ACAT1: variants seen among roughly 807,000 people sequenced by gnomAD.
ACAT1 encodes acetyl-CoA acetyltransferase 1.
A neutral mutation model predicts 47.3 loss-of-function variants in ACAT1; 28 were observed. The observed-to-expected ratio is 0.59, with a 90% CI of 0.44 to 0.81. The LOEUF is 0.81. Among genes scored for constraint, ACAT1 ranks in the 30% least tolerant of loss-of-function variants. The probability of loss-of-function intolerance (pLI) is 0.00; values close to 1 mark genes in which losing one functional copy is unlikely to be tolerated. For missense variants in ACAT1, 469 were observed against 524.3 expected, an observed-to-expected ratio of 0.89 and a Z score of 1.03; for synonymous variants, 181 against 173.6, an observed-to-expected ratio of 1.04 and a Z score of -0.34.
chr11:108,138,611 G>T (rs1192638392), intron 5 of ACAT1: 1 of 391,114 alleles, frequency 2.6e-6, no homozygotes, highest in Non-Finnish European at 4.9e-6. Flanking sequence ...TGGCCAGGCG[G>T]ATCCAGAACT....
At chr11:108,134,641 G>GAA (rs71047674) in intron 4 of ACAT1, among the ~76,000 whole-genome samples, 21 of 64,094 alleles carry the variant, frequency 3.3e-4, no homozygotes, top group East Asian at 9.2e-4. Flanking sequence ...CTGTCTGAAA[G>GAA]AAAAAAAAAA....
At chr11:108,129,033 C>G (rs1342873720) in intron 1 of ACAT1, 4 of 152,114 alleles carry the variant, frequency 2.6e-5, no homozygotes, top group African/African-American at 9.7e-5. Context: ...ATTCCTCACC[C>G]CCACCCCCCG....
upstream of ACAT1, among the ~76,000 whole-genome samples, chr11:108,120,362 G>A (rs2077126278): frequency 6.6e-6 from 1 of 152,016 alleles, no homozygotes. Context: ...AAATTAGCAT[G>A]GTGGAGCATG....
intron 10 of ACAT1, 135 bp from the exon 11 acceptor site, chr11:108,146,067 G>T: frequency 3.6e-6 from 3 of 826,524 alleles, no homozygotes; most frequent in Non-Finnish European, 5.9e-6. Flanking sequence ...TCTGAAAATA[G>T]AGATCCTTCC....
Position 108,140,172 on chromosome 11 carries a change from G to A in ACAT1, c.687G>A (p.Gly229=), listed in dbSNP as rs545578010. Residue 229 remains glycine (G), a synonymous_variant, in exon 7 of 12, where the codon GGG becomes GGA. Coordinates refer to ENST00000265838, the MANE Select transcript of ACAT1 (RefSeq NM_000019.4). ...YTRSKAAWEA[G]KFGNEVIPVT... ...GAAGTAAAGCAGCATGGGAAGCTGGGAAATTTGGAAATGAAGTTATTCCTG... is the reference window on the plus strand; with the variant it reads ...GAAGTAAAGCAGCATGGGAAGCTGGAAAATTTGGAAATGAAGTTATTCCTG... 18 of 1,614,026 alleles carry A rather than the reference G, an allele frequency of 1.1e-5. No homozygotes were observed. Among genetic ancestry groups the A allele is most frequent in the Admixed American group, 1.7e-5 (1 of 60,012 alleles).
intron 3 of ACAT1, 53 bp from the exon 4 acceptor site, chr11:108,134,168 T>A: frequency 1.3e-6 from 2 of 1,488,832 alleles, no homozygotes; most frequent in South Asian, 1.2e-5. Flanking sequence ...AGGTAATCAC[T>A]GATTATTAAA....
upstream of ACAT1, among the ~76,000 whole-genome samples, chr11:108,118,778 C>T (rs747368935): frequency 6.6e-6 from 1 of 152,180 alleles, no homozygotes; most frequent in East Asian, 1.9e-4. Context: ...GAGCAGCTTG[C>T]CTGCTGTAGC....
intron 1 of ACAT1, 104 bp downstream of exon 1, chr11:108,121,782 G>A: frequency 8.3e-6 from 11 of 1,325,814 alleles, no homozygotes; most frequent in Non-Finnish European, 1.1e-5. Flanking sequence ...GCCCGGGCGC[G>A]CGGCTTAGGC....
intron 8 of ACAT1, 118 bp from the exon 9 acceptor site, chr11:108,142,319 C>T: frequency 3.8e-6 from 3 of 780,968 alleles, no homozygotes; most frequent in East Asian, 2.7e-5. Context: ...ATTGTCTCCA[C>T]CCATATTTGT....
intron 5 of ACAT1, among the ~76,000 whole-genome samples, chr11:108,137,848 G>A (rs2077495826): frequency 6.6e-6 from 1 of 152,110 alleles, no homozygotes; most frequent in African/African-American, 2.4e-5. Context: ...TTGGGAGGCT[G>A]AGGTGGGAGG....
At position 108,133,042 on chromosome 11, in the gene ACAT1, G is replaced by A. The variant is rs563497402; in HGVS notation, c.121-778G>A. ...TCTATTAAAAATACAAAAATTAGCC[G>A]GGTGTGGTTGCAGATGCCTGTAATC... On this transcript the variant is annotated intron_variant, in intron 2 of 11. Coordinates refer to ENST00000265838, the MANE Select transcript of ACAT1 (RefSeq NM_000019.4). Among the ~76,000 whole-genome samples, 25 of 151,784 alleles carry A rather than the reference G, an allele frequency of 1.6e-4. No individual in the cohort carries two copies. In the East Asian group the frequency reaches 3.3e-3, roughly 20 times the overall value.
At chr11:108,119,576 G>A (rs1427191359), upstream of ACAT1, among the ~76,000 whole-genome samples, 2 of 152,030 alleles carry the variant, frequency 1.3e-5, no homozygotes, top group African/African-American at 2.4e-5. Context: ...TCTCTATGAG[G>A]CCAGACCTTT....
chr11:108,139,859 G>A (rs1181730694), intron 6 of ACAT1, among the ~76,000 whole-genome samples: 1 of 151,952 alleles, frequency 6.6e-6, no homozygotes, highest in African/African-American at 2.4e-5. Flanking sequence ...CACCATGTTG[G>A]CCAGGATGGT....
chr11:108,141,369 CAAAAAAAAAAA>C lies in ACAT1; in HGVS notation c.731-220_731-210del, dbSNP rs60002941. ...TAAGCAGGAGAGGGAAACCCTGCCT[CAAAAAAAAAAA>C]AAAAAAAAAAAAAAATTGTGAAGCT... On this transcript the variant is annotated intron_variant, in intron 7 of 11. Coordinates refer to ENST00000265838, the MANE Select transcript of ACAT1 (RefSeq NM_000019.4). Among the ~76,000 whole-genome samples, 8 of 69,328 alleles carry C rather than the reference CAAAAAAAAAAA, an allele frequency of 1.2e-4. No individual in the cohort carries two copies. The South Asian group carries it at 5.3e-3, about 46-fold the overall frequency. The allele number at this position is 69,328 out of a possible 152,430, so 45.5% of individuals were successfully genotyped here. A position where few individuals can be genotyped will look rare whatever the true frequency, so the allele number is the denominator to read the frequency against.
intron 10 of ACAT1, among the ~76,000 whole-genome samples, chr11:108,144,834 G>A (rs902357149): frequency 6.6e-6 from 1 of 152,192 alleles, no homozygotes. Flanking sequence ...GCTTCTGAAA[G>A]TGAGTAACAT....
At chr11:108,125,924 TAAAAA>T (rs564125266) in intron 1 of ACAT1, among the ~76,000 whole-genome samples, 3 of 124,628 alleles carry the variant, frequency 2.4e-5, no homozygotes, top group African/African-American at 8.8e-5. Flanking sequence ...AGACTCCGTC[TAAAAA>T]AAAAAAAAAA....
intron 2 of ACAT1, among the ~76,000 whole-genome samples, chr11:108,133,076 T>C: frequency 6.6e-6 from 1 of 151,874 alleles, no homozygotes; most frequent in Non-Finnish European, 1.5e-5. Flanking sequence ...TCCCAACTAC[T>C]CAGGAGGCTG....
intron 1 of ACAT1, among the ~76,000 whole-genome samples, chr11:108,127,287 CAG>C (rs1384091006): frequency 7.5e-6 from 1 of 134,026 alleles, no homozygotes; most frequent in Non-Finnish European, 1.6e-5. Context: ...TTTTTTGAGA[CAG>C]AGTCTCACTC....
intron 1 of ACAT1, among the ~76,000 whole-genome samples, chr11:108,131,073 A>T (rs2077348020): frequency 6.6e-6 from 1 of 152,102 alleles, no homozygotes. Flanking sequence ...TTTGTTCCTA[A>T]GAAGTGTGGA....
Sources: allele counts gnomAD v4.1 joint callset (sites outside exome capture counted in the v4.1 genomes callset), GRCh38; gene constraint gnomAD v4.1.1; transcripts MANE v1.5; gene names NCBI Gene and HGNC (gene_info 2026-07-23, HGNC 2026-07-21).